ZBTB40: variants seen among roughly 807,000 people sequenced by gnomAD.
ZBTB40 encodes zinc finger and BTB domain-containing protein 40.
ZBTB40 carries 60 observed loss-of-function variants against 117.5 expected under a neutral mutation model. The ratio of observed to expected loss-of-function variants is 0.51; its 90% confidence interval spans 0.41 to 0.63. The LOEUF is 0.63. Ranked by LOEUF, ZBTB40 falls within the 30% of genes least tolerant of loss-of-function variation. The pLI is 0.00. For missense variants in ZBTB40, 1,287 were observed against 1,498.5 expected, an observed-to-expected ratio of 0.86 and a Z score of 2.33; for synonymous variants, 525 against 577.1, an observed-to-expected ratio of 0.91 and a Z score of 1.29.
At chr1:22,522,287 A>G in intron 15 of ZBTB40, 90 bp from the exon 16 acceptor site, 2 of 1,252,342 alleles carry the variant, frequency 1.6e-6, no homozygotes, top group South Asian at 1.2e-5. Context: ...AGTATTGGCC[A>G]TCGCCCCAAC....
chr1:22,462,251 C>G (rs770901289), intron 1 of ZBTB40, among the ~76,000 whole-genome samples: 19 of 152,166 alleles, frequency 1.2e-4, no homozygotes, highest in Non-Finnish European at 2.2e-4. Flanking sequence ...AGTTTCGGCT[C>G]TAGAGTCAGA....
intron 1 of ZBTB40, among the ~76,000 whole-genome samples, chr1:22,437,671 C>A (rs1640687154): frequency 6.6e-6 from 1 of 151,974 alleles, no homozygotes; most frequent in African/African-American, 2.4e-5. Flanking sequence ...TTGCCCCTCT[C>A]AGCCTCCCAA....
intron 1 of ZBTB40, among the ~76,000 whole-genome samples, chr1:22,444,253 A>AAT (rs1199182745): frequency 2.6e-5 from 4 of 151,688 alleles, no homozygotes; most frequent in South Asian, 2.1e-4. Flanking sequence ...CTCTACTAAA[A>AAT]ATATATATAT....
chr1:22,501,663 G>T lies in ZBTB40; in HGVS notation c.1003G>T (p.Val335Leu). 1 of 1,613,900 alleles carries T rather than the reference G, an allele frequency of 6.2e-7. No individual in the cohort carries two copies. Among genetic ancestry groups the T allele is most frequent in the South Asian group, 1.1e-5 (1 of 91,068 alleles). The change falls in exon 4 of 18, where the codon GTA (valine) becomes TTA (leucine). Residue 335 changes from valine (V) to leucine (L), a missense_variant. Transcript: ENST00000375647. ...TALLDRKPED[V>L]DTVQPKGSTE... ...ACTATTAGACAGGAAGCCAGAAGAT[G>T]TAGACACAGTGCAGCCAAAAGGTAG... is the stretch of plus-strand genomic sequence containing the variant.
At chr1:22,502,521 T>C (rs1185449832) in intron 5 of ZBTB40, 80 bp downstream of exon 5, 2 of 1,581,288 alleles carry the variant, frequency 1.3e-6, no homozygotes, top group South Asian at 1.1e-5. Flanking sequence ...CATAGCACTT[T>C]ATACTTTGCA....
rs1320045891 is a variant in ZBTB40 at position 22,509,109 on chromosome 1, C to A, written c.1709C>A (p.Pro570Gln). The A allele has an allele frequency of 6.2e-7, 1 of 1,614,050 alleles. No individual in the cohort carries two copies. Among genetic ancestry groups the A allele is most frequent in the East Asian group, 2.2e-5 (1 of 44,872 alleles). Residue 570 changes from proline to glutamine, a missense_variant, in exon 9 of 18, where the codon CCA (proline) becomes CAA (glutamine). By Grantham distance (76) the Pro-to-Gln change is moderately conservative. Transcript: ENST00000375647. ...TCCCCCTTTTTTTCAGTGACCACCC[C>A]AGAACATGCCACTTTAGAAACAATC... ...ADAFFRAVTT[P>Q]EHATLETILR... is the part of the protein sequence containing the mutation.
At chr1:22,459,228 C>T (rs1056119612) in intron 1 of ZBTB40, among the ~76,000 whole-genome samples, 4 of 151,948 alleles carry the variant, frequency 2.6e-5, no homozygotes, top group Admixed American at 6.6e-5. Flanking sequence ...TCAGTCTTAC[C>T]GTGTATTGCT....
intron 1 of ZBTB40, among the ~76,000 whole-genome samples, chr1:22,463,478 A>G (rs760349878): frequency 5.9e-5 from 9 of 152,212 alleles, no homozygotes; most frequent in Non-Finnish European, 1.2e-4. Context: ...TGACAAAGCA[A>G]AGGGTCTTTT....
At chr1:22,464,208 A>G (rs1371390671) in intron 1 of ZBTB40, among the ~76,000 whole-genome samples, 1 of 152,218 alleles carries the variant, frequency 6.6e-6, no homozygotes, top group Non-Finnish European at 1.5e-5. Flanking sequence ...AGGTTAGGTA[A>G]TTTGCCCAGG....
intron 1 of ZBTB40, among the ~76,000 whole-genome samples, chr1:22,472,754 C>T (rs577446552): frequency 9.9e-5 from 15 of 152,188 alleles, no homozygotes; most frequent in Non-Finnish European, 1.9e-4. Context: ...TCCTTCGAGG[C>T]TTAACTAGGT....
intron 11 of ZBTB40, among the ~76,000 whole-genome samples, chr1:22,512,627 G>C (rs998147461): frequency 1.2e-4 from 19 of 152,192 alleles, no homozygotes; most frequent in Non-Finnish European, 2.4e-4. Flanking sequence ...AGTTTCCCTA[G>C]TTCTGGGTGG....
chr1:22,504,963 T>A (rs1312580311), intron 5 of ZBTB40, among the ~76,000 whole-genome samples: 1 of 152,242 alleles, frequency 6.6e-6, no homozygotes, highest in Non-Finnish European at 1.5e-5. Flanking sequence ...ATTTATTTAG[T>A]AGAAATCTAT....
Position 22,511,187 on chromosome 1 carries a change from C to T in ZBTB40, c.1842C>T (p.Ser614=). Residue 614 remains serine, a synonymous_variant, in exon 10 of 18, where the codon AGC becomes AGT. Transcript: ENST00000375647. ...TCCTGGTATTCATTTAGATTCTGAG[C>T]ATTCCCTCTGAGACAGCCAGCCCTG... The part of the protein sequence containing the change: ...HLAETVKEIL[S]IPSETASPEA... 6.2e-7 allele frequency: 1 copy of T among 1,613,142 alleles called. No individual in the cohort carries two copies. The highest frequency in any genetic ancestry group is 1.7e-5 in the Admixed American group (1 of 59,926).
chr1:22,521,151 G>C (rs548976678), intron 14 of ZBTB40, among the ~76,000 whole-genome samples: 1 of 152,220 alleles, frequency 6.6e-6, no homozygotes, highest in Non-Finnish European at 1.5e-5. Flanking sequence ...TCCTGGTCCT[G>C]CTATCTCCTG....
upstream of ZBTB40, among the ~76,000 whole-genome samples, chr1:22,448,820 A>AT (rs796236475): frequency 8.3e-4 from 120 of 144,444 alleles, no homozygotes; most frequent in South Asian, 2.5e-3. Context: ...TTCTTTTTAA[A>AT]TTTTTTTTTT....
chr1:22,491,822 A>C (rs765426762), intron 3 of ZBTB40, among the ~76,000 whole-genome samples: 2 of 152,216 alleles, frequency 1.3e-5, no homozygotes, highest in Non-Finnish European at 2.9e-5. Context: ...ATCACAGATA[A>C]GATTAAGAAG....
At chr1:22,511,636 C>CAA in intron 10 of ZBTB40, 40 bp from the exon 11 acceptor site, 1 of 1,599,634 alleles carries the variant, frequency 6.3e-7, no homozygotes, top group South Asian at 1.1e-5. Context: ...AAAATAGAAA[C>CAA]AGAGAGTTCG....
Position 22,513,165 on chromosome 1 carries a change from T to C in ZBTB40, c.2668+35T>C, listed in dbSNP as rs776108608. The C allele has an allele frequency of 2.5e-6, 4 of 1,602,820 alleles. No homozygotes were observed. The highest frequency in any genetic ancestry group is 2.6e-6 in the Non-Finnish European group (3 of 1,174,060). On this transcript the variant is annotated intron_variant, in intron 12 of 17. Transcript: ENST00000375647. The surrounding 1 kb of genome is among the most constrained non-coding windows in gnomAD (Gnocchi z 4.9). The stretch of plus-strand genomic sequence containing the variant: ...GGCACAGTTCATTTCTCCTGCAGAC[T>C]TTCACTGCGAACTGCCTAAACCCCA...
chr1:22,516,119 G>A (rs973354779), intron 12 of ZBTB40, among the ~76,000 whole-genome samples: 1 of 152,164 alleles, frequency 6.6e-6, no homozygotes, highest in Non-Finnish European at 1.5e-5. Context: ...TTGGGGCTTT[G>A]CCATGAGCAA....
Sources: gnomAD v4.1 joint callset for allele counts (sites outside exome capture counted in the v4.1 genomes callset) on GRCh38, gnomAD v4.1.1 for gene constraint, Gnocchi (gnomAD v3.1) non-coding constraint, MANE v1.5 for transcripts, NCBI Gene and HGNC (gene_info 2026-07-23, HGNC 2026-07-21) for gene names.